The following FRMD6 variants were observed in gnomAD, a reference collection of about 807,000 sequenced individuals.
The protein encoded by FRMD6 is FERM domain-containing protein 6.
Under a neutral mutation model 73.2 loss-of-function variants are expected in FRMD6, and 37 were observed. The ratio of observed to expected loss-of-function variants is 0.51; its 90% CI spans 0.39 to 0.66. The LOEUF (loss-of-function observed/expected upper bound fraction) is 0.66. Ranked by LOEUF, FRMD6 falls within the 30% of genes least tolerant of loss-of-function variation. FRMD6 has a pLI of 0.00. For synonymous variants in FRMD6, 273 were observed against 282.2 expected (o/e 0.97, Z 0.33); for missense variants, 714 against 780.5 (o/e 0.91, Z 1.02).
chr14:51,568,641 T>C (rs2139569769), intron 1 of FRMD6, among the ~76,000 whole-genome samples: 1 of 152,224 alleles, frequency 6.6e-6, no homozygotes, highest in Non-Finnish European at 1.5e-5. Context: ...GTTTGAATTG[T>C]CCAGCACCAT....
At chr14:51,527,879 C>A (rs143756543) in intron 1 of FRMD6, among the ~76,000 whole-genome samples, 1 of 152,262 alleles carries the variant, frequency 6.6e-6, no homozygotes, top group East Asian at 1.9e-4. Flanking sequence ...AGAAGGACTC[C>A]TTCAGTGAGG....
chr14:51,415,810 A>C, the FRMD6 span, among the ~76,000 whole-genome samples: 1 of 152,092 alleles, frequency 6.6e-6, no homozygotes, highest in Non-Finnish European at 1.5e-5. Context: ...GTAGGCTATT[A>C]ATTATTGCCC....
chr14:51,660,165 G>A (rs1007639532), intron 1 of FRMD6, among the ~76,000 whole-genome samples: 2 of 152,174 alleles, frequency 1.3e-5, no homozygotes, highest in Admixed American at 6.5e-5. Flanking sequence ...TCCATCAAAA[G>A]CCAGGTTTTA....
At chr14:51,424,821 G>A in the FRMD6 span, among the ~76,000 whole-genome samples, 3 of 152,234 alleles carry the variant, frequency 2.0e-5, no homozygotes, top group South Asian at 4.1e-4. Context: ...GGAAAGAAGT[G>A]TGAGAAAAAG....
intron 1 of FRMD6, among the ~76,000 whole-genome samples, chr14:51,548,252 G>A (rs1886587681): frequency 6.6e-6 from 1 of 152,194 alleles, no homozygotes; most frequent in Admixed American, 6.5e-5. Context: ...GAAAATAAAT[G>A]AGAATGTTCA....
At chr14:51,593,644 G>T (rs1889532242) in intron 2 of FRMD6, among the ~76,000 whole-genome samples, 1 of 152,188 alleles carries the variant, frequency 6.6e-6, no homozygotes, top group Non-Finnish European at 1.5e-5. Flanking sequence ...GGGTGAACTT[G>T]TGCTTTCTAA....
At chr14:51,622,625 C>A (rs1396764842) in intron 2 of FRMD6, among the ~76,000 whole-genome samples, 1 of 152,126 alleles carries the variant, frequency 6.6e-6, no homozygotes, top group East Asian at 1.9e-4. Context: ...CCTAACCAAC[C>A]CCCAACACAC....
At chr14:51,500,481 C>T (rs868597705) in intron 1 of FRMD6, among the ~76,000 whole-genome samples, 21 of 151,774 alleles carry the variant, frequency 1.4e-4, no homozygotes, top group Non-Finnish European at 1.3e-4. Context: ...GAGCCAAGAT[C>T]GTGCTCCAGC....
At chr14:51,479,856 G>A in the FRMD6 span, among the ~76,000 whole-genome samples, 1 of 152,310 alleles carries the variant, frequency 6.6e-6, no homozygotes, top group South Asian at 2.1e-4. Flanking sequence ...GAGGCATGTG[G>A]GTTGCTGCCT....
chr14:51,520,412 A>G (rs566930895), intron 1 of FRMD6, among the ~76,000 whole-genome samples: 1 of 152,356 alleles, frequency 6.6e-6, no homozygotes, highest in Admixed American at 6.5e-5. Context: ...GTATTATTCT[A>G]TGATACAACA....
At chr14:51,461,987 A>T in the FRMD6 span, among the ~76,000 whole-genome samples, 1 of 152,238 alleles carries the variant, frequency 6.6e-6, no homozygotes, top group African/African-American at 2.4e-5. Context: ...TCTTGTAATA[A>T]AACTTATCAG....
At chr14:51,504,497 G>A (rs1596506310) in intron 1 of FRMD6, among the ~76,000 whole-genome samples, 2 of 152,340 alleles carry the variant, frequency 1.3e-5, no homozygotes, top group Middle Eastern at 3.4e-3. Context: ...ATGTGAGCAA[G>A]GGACAGCTCT....
At chr14:51,399,599 T>TCCTAAGAA in the FRMD6 span, among the ~76,000 whole-genome samples, 79 of 152,332 alleles carry the variant, frequency 5.2e-4, no homozygotes, top group African/African-American at 1.9e-3. Flanking sequence ...ATTGAATTGA[T>TCCTAAGAA]GGATTTGAAA....
intron 2 of FRMD6, among the ~76,000 whole-genome samples, chr14:51,690,673 C>T (rs923711970): frequency 1.3e-5 from 2 of 152,136 alleles, no homozygotes; most frequent in African/African-American, 4.8e-5. Context: ...TGAGCCACCG[C>T]GCCCAGCCTT....
rs915155691 is a variant in FRMD6, at chr14:51,666,046, G to T, written c.-147+14050G>T. On this transcript the variant is annotated intron_variant, in intron 1 of 13. Transcript: ENST00000344768. ...ACTCTATTGTTAGATTTAGCTTCCAGTGGGTGGTAATCTATGATTATAGTG... is the reference window on the plus strand; with the variant it reads ...ACTCTATTGTTAGATTTAGCTTCCATTGGGTGGTAATCTATGATTATAGTG... Among the ~76,000 whole-genome samples, 6 of 152,356 alleles carry T rather than the reference G, an allele frequency of 3.9e-5. No individual in the cohort carries two copies. In the South Asian group the frequency reaches 1.2e-3, roughly 32 times the overall value.
the FRMD6 span, among the ~76,000 whole-genome samples, chr14:51,482,791 C>T: frequency 5.3e-5 from 8 of 152,044 alleles, no homozygotes; most frequent in Non-Finnish European, 7.4e-5. Context: ...ACCTCTGCCT[C>T]CTGGGTTCAC....
intron 2 of FRMD6, among the ~76,000 whole-genome samples, chr14:51,571,857 G>T (rs1342158589): frequency 2.0e-5 from 3 of 152,172 alleles, no homozygotes; most frequent in Non-Finnish European, 4.4e-5. Flanking sequence ...TTTATTAATA[G>T]ACTTATAAAT....
chr14:51,566,753 CA>C (rs1193646551), intron 1 of FRMD6, among the ~76,000 whole-genome samples: 1 of 152,202 alleles, frequency 6.6e-6, no homozygotes, highest in Non-Finnish European at 1.5e-5. Context: ...CTTTCAAAAC[CA>C]AAAGTTAAAC....
intron 1 of FRMD6, among the ~76,000 whole-genome samples, chr14:51,523,671 T>C (rs1885072037): frequency 6.6e-6 from 1 of 152,142 alleles, no homozygotes. Context: ...CCTTCCCACA[T>C]TGTTTGCTCT....
Sources: gnomAD v4.1 joint callset for allele counts (sites outside exome capture counted in the v4.1 genomes callset) on GRCh38, gnomAD v4.1.1 for gene constraint, MANE v1.5 for transcripts, NCBI Gene and HGNC (gene_info 2026-07-23, HGNC 2026-07-21) for gene names.